GRAP2: variants seen among roughly 807,000 people sequenced by gnomAD.
GRAP2 encodes GRB2 related adaptor protein 2.
GRAP2 carries 31 observed loss-of-function variants against 43.5 expected under a neutral mutation model. The ratio of observed to expected loss-of-function variants is 0.71; its 90% CI spans 0.54 to 0.96. GRAP2 has a LOEUF of 0.96. Ranked by LOEUF, GRAP2 falls within the 40% of genes least tolerant of loss-of-function variation. The pLI is 0.00. For missense variants in GRAP2, 371 were observed against 424.4 expected (o/e 0.87, Z 1.11); for synonymous variants, 156 against 164.8 (o/e 0.95, Z 0.41).
intron 1 of GRAP2, among the ~76,000 whole-genome samples, chr22:39,922,165 A>C (rs1601698716): frequency 6.6e-6 from 1 of 152,174 alleles, no homozygotes; most frequent in South Asian, 2.1e-4. Flanking sequence ...CAGTTGGGAG[A>C]GCTTACAGCT....
At chr22:39,910,497 C>G (rs535677466) in intron 1 of GRAP2, among the ~76,000 whole-genome samples, 3 of 152,178 alleles carry the variant, frequency 2.0e-5, no homozygotes, top group South Asian at 2.1e-4. Context: ...CAACCTCTGC[C>G]TCGTGAGTTC....
At chr22:39,945,359 A>G (rs1461781575) in intron 1 of GRAP2, among the ~76,000 whole-genome samples, 2 of 152,218 alleles carry the variant, frequency 1.3e-5, no homozygotes, top group African/African-American at 4.8e-5. Context: ...ACAATTGTGG[A>G]GAATCAGAGA....
chr22:39,938,759 C>T (rs1158256075), intron 1 of GRAP2, among the ~76,000 whole-genome samples: 4 of 152,256 alleles, frequency 2.6e-5, no homozygotes, highest in South Asian at 2.1e-4. Flanking sequence ...TCAGAAAAAG[C>T]GAAGCAGCCA....
At chr22:39,921,063 T>A (rs1186268899) in intron 1 of GRAP2, among the ~76,000 whole-genome samples, 2 of 152,148 alleles carry the variant, frequency 1.3e-5, no homozygotes, top group Non-Finnish European at 2.9e-5. Context: ...AAGGATTTTC[T>A]TGTTTAAATT....
intron 1 of GRAP2, among the ~76,000 whole-genome samples, chr22:39,922,624 A>C (rs1188804379): frequency 6.6e-6 from 1 of 152,192 alleles, no homozygotes; most frequent in Admixed American, 6.5e-5. Context: ...TCTGGAAGCA[A>C]TGAGGAGGGG....
intron 1 of GRAP2, among the ~76,000 whole-genome samples, chr22:39,925,730 C>T (rs575041239): frequency 2.0e-5 from 3 of 152,208 alleles, no homozygotes; most frequent in Non-Finnish European, 4.4e-5. Context: ...GTTTTCTTGC[C>T]CTAATTGAGA....
intron 1 of GRAP2, 127 bp downstream of exon 1, chr22:39,901,457 C>A: frequency 2.6e-6 from 1 of 390,914 alleles, no homozygotes. Context: ...CTTTTAAGTC[C>A]CATCAGCTAA....
At chr22:39,909,299 A>G (rs1037780717) in intron 1 of GRAP2, among the ~76,000 whole-genome samples, 7 of 152,248 alleles carry the variant, frequency 4.6e-5, no homozygotes, top group Non-Finnish European at 7.3e-5. Flanking sequence ...GCTGAAAAGA[A>G]ATTCCCAATA....
At chr22:39,935,456 A>T (rs1224065639) in intron 1 of GRAP2, among the ~76,000 whole-genome samples, 1 of 152,238 alleles carries the variant, frequency 6.6e-6, no homozygotes, top group African/African-American at 2.4e-5. Flanking sequence ...AACTATTTTA[A>T]ACAAGACAAA....
At chr22:39,945,999 T>A (rs984934701) in intron 1 of GRAP2, among the ~76,000 whole-genome samples, 7 of 152,172 alleles carry the variant, frequency 4.6e-5, no homozygotes. Flanking sequence ...TAGCTGGGAT[T>A]ACAGGCACGT....
Position 39,968,182 on chromosome 22 carries a change from C to G in GRAP2, c.600C>G (p.His200Gln). 1 of 1,611,054 alleles carries G rather than the reference C, an allele frequency of 6.2e-7. No homozygotes were observed. Among genetic ancestry groups the G allele is most frequent in the South Asian group, 1.1e-5 (1 of 90,808 alleles). Residue 200 changes from histidine to glutamine, a missense_variant, in exon 6 of 8, where the codon CAC becomes CAG. Coordinates refer to ENST00000344138, the MANE Select transcript of GRAP2 (RefSeq NM_004810.4). ...PPTLPLQQHQ[H>Q]QPQPPQYAPA... ...CCCTTCCCCTGCAGCAGCACCAGCA[C>G]CAGCCACAGCCTCCGCAATATGCCC...
At chr22:39,940,817 G>A (rs137988) in intron 1 of GRAP2, among the ~76,000 whole-genome samples, 15,566 of 152,130 alleles carry the variant, frequency 0.1, 1,076 homozygotes, top group Non-Finnish European at 0.15. Context: ...TATTTTAAAG[G>A]TTTGAGTCTT....
At chr22:39,962,402 G>A (rs886436869) in intron 4 of GRAP2, among the ~76,000 whole-genome samples, 11 of 152,060 alleles carry the variant, frequency 7.2e-5, no homozygotes, top group Admixed American at 3.9e-4. Flanking sequence ...TCTAGCCTGG[G>A]TGACAGAGCA....
chr22:39,967,291 A>G (rs997254502), intron 5 of GRAP2, among the ~76,000 whole-genome samples: 1 of 152,194 alleles, frequency 6.6e-6, no homozygotes, highest in African/African-American at 2.4e-5. Context: ...GCTAGCCAAG[A>G]CCTTGTGAAT....
chr22:39,902,082 G>A (rs977215914), intron 1 of GRAP2, among the ~76,000 whole-genome samples: 13 of 152,166 alleles, frequency 8.5e-5, no homozygotes, highest in African/African-American at 3.1e-4. Flanking sequence ...CCTGGAATTA[G>A]GCCTTCTTAA....
chr22:39,966,449 CTCA>C (rs2067175285), intron 5 of GRAP2, among the ~76,000 whole-genome samples: 1 of 152,208 alleles, frequency 6.6e-6, no homozygotes, highest in Non-Finnish European at 1.5e-5. Context: ...CATGTCATTC[CTCA>C]TCACACTGCG....
chr22:39,933,919 G>A (rs1241141006), intron 1 of GRAP2, among the ~76,000 whole-genome samples: 1 of 152,138 alleles, frequency 6.6e-6, no homozygotes, highest in Non-Finnish European at 1.5e-5. Flanking sequence ...GTCAAGCAAG[G>A]AGAATAGGGT....
upstream of GRAP2, among the ~76,000 whole-genome samples, chr22:39,900,023 C>T (rs1423563210): frequency 6.6e-6 from 1 of 152,078 alleles, no homozygotes; most frequent in East Asian, 1.9e-4. Flanking sequence ...AAATTACTTC[C>T]TTTAACTCAT....
chr22:39,945,817 C>T (rs1372395597), intron 1 of GRAP2, among the ~76,000 whole-genome samples: 1 of 152,148 alleles, frequency 6.6e-6, no homozygotes, highest in Non-Finnish European at 1.5e-5. Context: ...AACGTAAATA[C>T]TATTTAGCTT....
Sources: gnomAD v4.1 joint callset for allele counts (sites outside exome capture counted in the v4.1 genomes callset) on GRCh38, gnomAD v4.1.1 for gene constraint, MANE v1.5 for transcripts, NCBI Gene and HGNC (gene_info 2026-07-23, HGNC 2026-07-21) for gene names.